ACOXL: variants seen among roughly 807,000 people sequenced by gnomAD.
The protein encoded by ACOXL is acyl-coenzyme A oxidase-like protein.
Under a neutral mutation model 71.9 loss-of-function variants are expected in ACOXL, and 70 were observed. That is an observed-to-expected ratio of 0.97 (90% CI 0.80 to 1.19). The LOEUF (loss-of-function observed/expected upper bound fraction) is 1.19, where lower values mean the gene tolerates loss of function less well. ACOXL is among the 50% of genes most tolerant of loss of function. The pLI, the probability that ACOXL is intolerant of heterozygous loss-of-function variation, is 0.00. For missense variants in ACOXL, 703 were observed against 736.3 expected (o/e 0.95, Z 0.52); for synonymous variants, 253 against 281.6 (o/e 0.90, Z 1.02).
rs539785196 is a variant in ACOXL, at chr2:110,772,365, G to A, written c.75+3901G>A. Reference sequence around the variant, plus strand: ...ATTTACATCTCCCAGGTGACCCACTGTGCATCTGGGGTTGCGGACTGCTGC... The same window carrying A: ...ATTTACATCTCCCAGGTGACCCACTATGCATCTGGGGTTGCGGACTGCTGC... On this transcript the variant is annotated intron_variant, in intron 2 of 17. Coordinates refer to ENST00000439055, the MANE Select transcript of ACOXL (RefSeq NM_001142807.4). 2.0e-4 allele frequency among the ~76,000 whole-genome samples: 31 copies of A among 152,242 alleles called. No individual in the cohort carries two copies. The South Asian group carries it at 6.4e-3, about 32-fold the overall frequency.
At position 110,958,135 on chromosome 2, in the gene ACOXL, G is replaced by A. The variant is rs569785618; in HGVS notation, c.1059+24493G>A. ...CATATGCACGCGCATGCATACACAC[G>A]CACACACACATGCACACACACACTC... is the stretch of plus-strand genomic sequence containing the variant. On this transcript the variant is annotated intron_variant, in intron 12 of 17. Transcript: ENST00000439055. Among the ~76,000 whole-genome samples, 25 of 150,946 alleles carry A rather than the reference G, an allele frequency of 1.7e-4. 1 individual carries two copies. The highest frequency in any genetic ancestry group is 6.3e-4 in the South Asian group (3 of 4,768).
chr2:110,916,218 G>T (rs2059855163), intron 11 of ACOXL, among the ~76,000 whole-genome samples: 1 of 151,196 alleles, frequency 6.6e-6, no homozygotes, highest in Admixed American at 6.6e-5. Flanking sequence ...ATTTGTAAAA[G>T]AAAACAATTT....
chr2:111,018,711 A>AGG (rs1553458295), intron 14 of ACOXL, among the ~76,000 whole-genome samples: 1 of 141,644 alleles, frequency 7.1e-6, no homozygotes, highest in Non-Finnish European at 1.5e-5. Flanking sequence ...GAGAGGCTGG[A>AGG]GGGGGTGTTG....
chr2:110,964,455 A>G (rs1001881429), intron 12 of ACOXL, among the ~76,000 whole-genome samples: 2 of 152,254 alleles, frequency 1.3e-5, no homozygotes, highest in African/African-American at 4.8e-5. Context: ...AAAATGATAC[A>G]AAAACATACA....
chr2:110,846,641 G>GCGCA lies in ACOXL; in HGVS notation c.788+5237_788+5238insGCAC, dbSNP rs148602789. On this transcript the variant is annotated intron_variant, in intron 10 of 17. Transcript: ENST00000439055. ...TGTGAGCATGCAAGTATGCATACACGCACACACACACACACACACACACAC... is the reference window on the plus strand; with the variant it reads ...TGTGAGCATGCAAGTATGCATACACGCGCACACACACACACACACACACACACAC... Among the ~76,000 whole-genome samples the GCGCA allele has an allele frequency of 4.1e-3, 570 of 138,032 alleles. 1 individual carries two copies. The highest frequency in any genetic ancestry group is 0.014 in the Middle Eastern group (4 of 278). 90.6% of individuals were successfully genotyped at this position (138,032 alleles called of 152,430 possible).
intron 12 of ACOXL, among the ~76,000 whole-genome samples, chr2:110,963,161 G>A (rs1467949782): frequency 2.6e-5 from 4 of 152,116 alleles, no homozygotes; most frequent in Non-Finnish European, 5.9e-5. Context: ...ATGCAGAGTG[G>A]CAATTTAAGA....
chr2:110,899,188 G>A (rs2059132232), intron 10 of ACOXL, among the ~76,000 whole-genome samples: 1 of 152,196 alleles, frequency 6.6e-6, no homozygotes, highest in Admixed American at 6.5e-5. Context: ...ATTGAGAGGG[G>A]AAGTGGAGGC....
chr2:111,008,504 T>C (rs1032239546), intron 14 of ACOXL, among the ~76,000 whole-genome samples: 5 of 152,234 alleles, frequency 3.3e-5, no homozygotes, highest in African/African-American at 1.2e-4. Flanking sequence ...GGATATACTG[T>C]AGCTTACTCC....
chr2:110,922,327 AT>A (rs2060108560), intron 11 of ACOXL, among the ~76,000 whole-genome samples: 1 of 152,232 alleles, frequency 6.6e-6, no homozygotes, highest in East Asian at 1.9e-4. Flanking sequence ...TTTAAATTGG[AT>A]CAAAATAACT....
intron 1 of ACOXL, among the ~76,000 whole-genome samples, chr2:110,749,026 G>A (rs764587397): frequency 2.0e-5 from 3 of 152,210 alleles, no homozygotes; most frequent in Non-Finnish European, 2.9e-5. Context: ...TGATTTTGAA[G>A]TTCGTGTTGA....
chr2:110,830,813 G>A (rs561194938), intron 9 of ACOXL, among the ~76,000 whole-genome samples: 138 of 152,260 alleles, frequency 9.1e-4, no homozygotes, highest in Non-Finnish European at 1.8e-3. Flanking sequence ...GATTACAGGC[G>A]TGAGCCACCG....
chr2:111,037,883 G>C (rs1388316297), intron 15 of ACOXL, among the ~76,000 whole-genome samples: 1 of 152,208 alleles, frequency 6.6e-6, no homozygotes, highest in East Asian at 1.9e-4. Context: ...TGGTGTTCTT[G>C]AGTTTTTGAA....
At chr2:110,748,265 G>A (rs1301895001) in intron 1 of ACOXL, among the ~76,000 whole-genome samples, 1 of 152,104 alleles carries the variant, frequency 6.6e-6, no homozygotes, top group African/African-American at 2.4e-5. Context: ...AAGTAAGGAG[G>A]CAAGGAAACA....
At position 111,051,717 on chromosome 2, in the gene ACOXL, G is replaced by A. The variant is rs907079939; in HGVS notation, c.1440+2429G>A. On this transcript the variant is annotated intron_variant, in intron 16 of 17. Transcript: ENST00000439055. ...ACTCCTGACCTCAGGTGATCCACCC[G>A]CCTCGGCCTCCCAAAGTGCTGGGAT... 3.9e-5 allele frequency among the ~76,000 whole-genome samples: 6 copies of A among 152,228 alleles called. No individual in the cohort carries two copies. The South Asian group carries it at 1.0e-3, about 26-fold the overall frequency.
intron 10 of ACOXL, among the ~76,000 whole-genome samples, chr2:110,842,655 A>T (rs1290967270): frequency 6.6e-6 from 1 of 152,126 alleles, no homozygotes; most frequent in Non-Finnish European, 1.5e-5. Flanking sequence ...GGACTTAACA[A>T]ACTTAGCCTG....
At chr2:110,932,632 A>G (rs1449515948) in intron 11 of ACOXL, among the ~76,000 whole-genome samples, 1 of 152,202 alleles carries the variant, frequency 6.6e-6, no homozygotes, top group Non-Finnish European at 1.5e-5. Flanking sequence ...AGTTACAAAT[A>G]CAAGAGGCAT....
intron 8 of ACOXL, among the ~76,000 whole-genome samples, chr2:110,804,581 A>G (rs990302145): frequency 6.6e-6 from 1 of 152,254 alleles, no homozygotes; most frequent in Admixed American, 6.5e-5. Flanking sequence ...AAGATAATCC[A>G]AATATCCATC....
At chr2:110,737,453 C>G (rs1677007258) in intron 1 of ACOXL, among the ~76,000 whole-genome samples, 1 of 152,178 alleles carries the variant, frequency 6.6e-6, no homozygotes, top group Admixed American at 6.5e-5. Context: ...ATCCAGTGTT[C>G]ACATTGTTAT....
chr2:111,117,956 C>A lies in ACOXL; in HGVS notation c.*140C>A. ...GGGATTTTGGTGGCAAAGCGGAGGT[C>A]CCGCCGAGGCTGGCGAGGTGCGCGG... On this transcript the variant is annotated 3_prime_UTR_variant, in exon 18 of 18. Transcript: ENST00000439055. 2 of 1,034,344 alleles carry A rather than the reference C, an allele frequency of 1.9e-6. No homozygotes were observed. The highest frequency in any genetic ancestry group is 2.7e-6 in the Non-Finnish European group (2 of 731,948). The allele number at this position is 1,034,344 out of a possible 1,614,324, so 64.1% of individuals were successfully genotyped here. A position where few individuals can be genotyped will look rare whatever the true frequency, so the allele number is the denominator to read the frequency against.
Sources: allele counts gnomAD v4.1 joint callset (sites outside exome capture counted in the v4.1 genomes callset), GRCh38; gene constraint gnomAD v4.1.1; transcripts MANE v1.5; gene names NCBI Gene and HGNC (gene_info 2026-07-23, HGNC 2026-07-21).